ZDHHC15: variants seen among roughly 807,000 people sequenced by gnomAD.
The protein encoded by ZDHHC15 is palmitoyltransferase ZDHHC15.
In ZDHHC15, 19 loss-of-function variants were observed where a neutral mutation model predicts 31.7. The ratio of observed to expected loss-of-function variants is 0.60; its 90% confidence interval spans 0.42 to 0.88. The LOEUF is 0.88. Among genes scored for constraint, ZDHHC15 ranks in the 40% least tolerant of loss-of-function variants. The pLI, the probability that ZDHHC15 is intolerant of heterozygous loss-of-function variation, is 0.00. For synonymous variants in ZDHHC15, 103 were observed against 90.0 expected (o/e 1.14, Z -0.82); for missense variants, 209 against 251.2 (o/e 0.83, Z 1.14).
chrX:75,419,290 G>T (rs1356988057), intron 9 of ZDHHC15, among the ~76,000 whole-genome samples: 1 of 111,471 alleles, frequency 9.0e-6, no homozygotes, highest in Non-Finnish European at 1.9e-5. Context: ...GTGGGCGAAG[G>T]ATATGAACAG....
chrX:75,436,221 T>A (rs1433508724), intron 4 of ZDHHC15, among the ~76,000 whole-genome samples: 3 of 112,217 alleles, frequency 2.7e-5, no homozygotes, highest in African/African-American at 9.7e-5. Flanking sequence ...CTTATTTGGA[T>A]CTTCACTCTT....
chrX:75,422,059 A>G (rs2083651660), intron 8 of ZDHHC15, 69 bp from the exon 9 acceptor site: 1 of 1,101,383 alleles, frequency 9.1e-7, no homozygotes, highest in East Asian at 3.1e-5. Context: ...CAGCATAGTC[A>G]TGATTTTACA....
chrX:75,463,575 TACAACAACAACAACAACA>T (rs55847003), intron 3 of ZDHHC15, among the ~76,000 whole-genome samples: 1 of 100,700 alleles, frequency 9.9e-6, no homozygotes, highest in African/African-American at 3.7e-5. Context: ...AACTCAAATT[TACAACAACAACAACAACA>T]ACAACAACAA....
chrX:75,491,770 C>G (rs1274731164), intron 2 of ZDHHC15, among the ~76,000 whole-genome samples: 1 of 110,872 alleles, frequency 9.0e-6, no homozygotes, highest in Non-Finnish European at 1.9e-5. Context: ...CAGGCCTGCC[C>G]TAAAAGAGCT....
intron 2 of ZDHHC15, among the ~76,000 whole-genome samples, chrX:75,493,539 T>C (rs2084936240): frequency 9.0e-6 from 1 of 111,665 alleles, no homozygotes; most frequent in Non-Finnish European, 1.9e-5. Context: ...CTCAGTAAAA[T>C]ACTGGCAAAT....
intron 2 of ZDHHC15, among the ~76,000 whole-genome samples, chrX:75,482,152 A>T (rs2084698904): frequency 9.0e-6 from 1 of 111,144 alleles, no homozygotes; most frequent in Admixed American, 9.6e-5. Context: ...ACAAGGGTTG[A>T]AAAACTACCT....
chrX:75,440,750 C>T (rs1293301570), intron 4 of ZDHHC15, among the ~76,000 whole-genome samples: 5 of 111,664 alleles, frequency 4.5e-5, no homozygotes, highest in African/African-American at 1.6e-4. Context: ...ATAGAACTCC[C>T]AAGAGATTTC....
chrX:75,458,991 C>CAAAAAAA (rs775652299), intron 3 of ZDHHC15, among the ~76,000 whole-genome samples: 1 of 15,627 alleles, frequency 6.4e-5, no homozygotes, highest in African/African-American at 1.4e-4. Flanking sequence ...GGCACAGAGA[C>CAAAAAAA]AAAAAAAAAA....
At chrX:75,416,631 G>C (rs1184083091) in intron 10 of ZDHHC15, among the ~76,000 whole-genome samples, 1 of 111,617 alleles carries the variant, frequency 9.0e-6, no homozygotes, top group Non-Finnish European at 1.9e-5. Context: ...GCATGTGTAG[G>C]CTTGCCCCAT....
chrX:75,437,125 C>G (rs897003003), intron 4 of ZDHHC15, among the ~76,000 whole-genome samples: 3 of 111,031 alleles, frequency 2.7e-5, no homozygotes, highest in Non-Finnish European at 5.7e-5. Context: ...TCGTGATCCG[C>G]CCGCCCCGGC....
chrX:75,518,086 T>C (rs377583922), intron 1 of ZDHHC15, among the ~76,000 whole-genome samples: 104 of 110,261 alleles, frequency 9.4e-4, no homozygotes, highest in African/African-American at 3.1e-3. Context: ...CATTTGGTAA[T>C]GGATTCTTAA....
intron 2 of ZDHHC15, among the ~76,000 whole-genome samples, chrX:75,499,122 C>A (rs11798701): frequency 0.029 from 3,209 of 111,237 alleles, 57 homozygotes; most frequent in Non-Finnish European, 0.05. Context: ...TCATCATATA[C>A]AAAAATCAAC....
At chrX:75,456,178 A>G (rs1363108772) in intron 3 of ZDHHC15, among the ~76,000 whole-genome samples, 3 of 111,587 alleles carry the variant, frequency 2.7e-5, no homozygotes, top group Non-Finnish European at 5.6e-5. Context: ...CAGCCATAAA[A>G]AAGGATGAGT....
At chrX:75,469,918 T>TA in intron 3 of ZDHHC15, among the ~76,000 whole-genome samples, 1 of 112,155 alleles carries the variant, frequency 8.9e-6, no homozygotes. Flanking sequence ...GTAAGCCTTT[T>TA]AAAAAAGATT....
chrX:75,478,625 C>T (rs761221617), intron 3 of ZDHHC15, among the ~76,000 whole-genome samples: 15 of 111,462 alleles, frequency 1.3e-4, no homozygotes, highest in Non-Finnish European at 2.4e-4. Flanking sequence ...GTGATTCTCC[C>T]ACCTCAGCCT....
intron 10 of ZDHHC15, among the ~76,000 whole-genome samples, chrX:75,414,558 T>C (rs1312182069): frequency 3.9e-5 from 4 of 102,010 alleles, no homozygotes; most frequent in African/African-American, 1.4e-4. Flanking sequence ...GCCTCCCGGG[T>C]AGCTGGGACT....
intron 3 of ZDHHC15, among the ~76,000 whole-genome samples, chrX:75,463,812 T>C (rs1478734699): frequency 1.8e-5 from 2 of 111,214 alleles, no homozygotes; most frequent in Non-Finnish European, 3.8e-5. Flanking sequence ...TGTGGAGAAA[T>C]AGGAAAAATT....
intron 4 of ZDHHC15, 152 bp downstream of exon 4, chrX:75,450,650 A>C: frequency 8.9e-7 from 1 of 1,129,216 alleles, no homozygotes; most frequent in African/African-American, 1.8e-5. Flanking sequence ...TATGTGTTTA[A>C]AATTTTTTAG....
At chrX:75,521,283 G>T (rs1569377381) in intron 1 of ZDHHC15, among the ~76,000 whole-genome samples, 2 of 111,104 alleles carry the variant, frequency 1.8e-5, no homozygotes, top group African/African-American at 3.3e-5. Context: ...AGACTGACAA[G>T]TATTAGTGGA....
Sources: gnomAD v4.1 joint callset for allele counts (sites outside exome capture counted in the v4.1 genomes callset) on GRCh38, gnomAD v4.1.1 for gene constraint, MANE v1.5 for transcripts, NCBI Gene and HGNC (gene_info 2026-07-23, HGNC 2026-07-21) for gene names.